Variants in CEP83 observed in about 807,000 individuals in gnomAD.
The protein encoded by CEP83 is centrosomal protein of 83 kDa.
CEP83 carries 70 observed loss-of-function variants against 101.9 expected under a neutral mutation model. That is an observed-to-expected ratio of 0.69 (90% CI 0.57 to 0.84). The LOEUF (loss-of-function observed/expected upper bound fraction) is 0.84. Among genes scored for constraint, CEP83 ranks in the 40% least tolerant of loss-of-function variants. The probability of loss-of-function intolerance (pLI) is 0.00; values close to 1 mark genes in which losing one functional copy is unlikely to be tolerated. For missense variants in CEP83, 715 were observed against 787.2 expected (o/e 0.91, Z 1.10); for synonymous variants, 264 against 267.9 (o/e 0.99, Z 0.14).
the CEP83 span, among the ~76,000 whole-genome samples, chr12:94,279,023 G>T: frequency 1.3e-5 from 2 of 151,546 alleles, no homozygotes; most frequent in Admixed American, 1.3e-4. Flanking sequence ...CTCTGGCATG[G>T]TCAATATGGG....
intron 14 of CEP83, among the ~76,000 whole-genome samples, chr12:94,321,911 T>C (rs1347144961): frequency 6.6e-5 from 10 of 152,122 alleles, no homozygotes; most frequent in East Asian, 3.9e-4. Context: ...CACTTTTCCA[T>C]AGGGCTGCTA....
At chr12:94,458,111 C>G (rs1024469641) in intron 1 of CEP83, among the ~76,000 whole-genome samples, 2 of 151,492 alleles carry the variant, frequency 1.3e-5, no homozygotes, top group Non-Finnish European at 2.9e-5. Flanking sequence ...AGGAGAGAAT[C>G]ACTTGAAACT....
intron 1 of CEP83, among the ~76,000 whole-genome samples, chr12:94,446,900 A>C (rs2066849699): frequency 6.6e-6 from 1 of 152,154 alleles, no homozygotes; most frequent in Non-Finnish European, 1.5e-5. Flanking sequence ...AATCCAAAGA[A>C]ACCTGCAAAT....
rs1390252491 is a variant in CEP83, at chr12:94,308,625, A to G, written c.*188T>C. The G allele has an allele frequency of 5.1e-6, 2 of 395,336 alleles. No individual in the cohort carries two copies. The highest frequency in any genetic ancestry group is 9.1e-6 in the Non-Finnish European group (2 of 220,050). The allele number at this position is 395,336 out of a possible 1,614,324, so 24.5% of individuals were successfully genotyped here. A position where few individuals can be genotyped will look rare whatever the true frequency, so the allele number is the denominator to read the frequency against. ...AATATCTCTGAGAATTTCTCTTTTA[A>G]TGCTTCACTTGTATAATCTTAAAAT... On this transcript the variant is annotated 3_prime_UTR_variant, in exon 17 of 17. Coordinates refer to ENST00000397809, the MANE Select transcript of CEP83 (RefSeq NM_016122.3).
the CEP83 span, chr12:94,297,256 G>T: frequency 6.2e-7 from 1 of 1,613,360 alleles, no homozygotes; most frequent in Non-Finnish European, 8.5e-7. Flanking sequence ...CCACTGAACT[G>T]CATGCCTTCT....
the CEP83 span, among the ~76,000 whole-genome samples, chr12:94,287,969 C>A: frequency 6.6e-6 from 1 of 152,210 alleles, no homozygotes; most frequent in South Asian, 2.1e-4. Flanking sequence ...TGGCCAGAGT[C>A]ACAGAGTTCC....
intron 6 of CEP83, among the ~76,000 whole-genome samples, chr12:94,396,760 T>C (rs967014054): frequency 2.6e-5 from 4 of 152,202 alleles, no homozygotes; most frequent in Non-Finnish European, 5.9e-5. Flanking sequence ...AATAATATTG[T>C]TACTTTCATC....
chr12:94,321,339 G>A (rs2058736318), intron 14 of CEP83, among the ~76,000 whole-genome samples: 1 of 152,128 alleles, frequency 6.6e-6, no homozygotes, highest in Non-Finnish European at 1.5e-5. Context: ...TTATCTTCAT[G>A]CCTATTCATA....
chr12:94,418,377 A>C (rs2064454924), intron 2 of CEP83, among the ~76,000 whole-genome samples: 1 of 152,162 alleles, frequency 6.6e-6, no homozygotes, highest in Non-Finnish European at 1.5e-5. Context: ...GAAAAGAAAA[A>C]AATACAATGA....
rs534072560 is a variant in CEP83, at chr12:94,308,997, A to G, written c.2002-80T>C. 4.1e-5 allele frequency: 36 copies of G among 876,068 alleles called. No individual in the cohort carries two copies. In the African/African-American group the frequency reaches 5.8e-4, roughly 14 times the overall value. 54.3% of individuals were successfully genotyped at this position (876,068 alleles called of 1,614,324 possible). ...GTAGCAACCTTGGACTGCCTCTTTT[A>G]TATATGCCTATAACATCTGGCAAGG... On this transcript the variant is annotated intron_variant, in intron 16 of 16. Transcript: ENST00000397809.
intron 14 of CEP83, among the ~76,000 whole-genome samples, chr12:94,316,997 C>G (rs540428292): frequency 6.6e-6 from 1 of 152,282 alleles, no homozygotes; most frequent in Admixed American, 6.5e-5. Context: ...GGAATTACCA[C>G]ACTGCTTTCC....
At position 94,434,971 on chromosome 12, in the gene CEP83, T is replaced by C. The variant is rs184385440; in HGVS notation, c.-102+304A>G. ...TGGGATTAGGGATCCTCAACCTGTA[T>C]AAAGCATTATACTAGTCCCTTCACT... is the stretch of plus-strand genomic sequence containing the variant. On this transcript the variant is annotated intron_variant, in intron 2 of 16. Coordinates refer to ENST00000397809, the MANE Select transcript of CEP83 (RefSeq NM_016122.3). 2.8e-3 allele frequency among the ~76,000 whole-genome samples: 434 copies of C among 152,338 alleles called. 10 individuals carry two copies. The South Asian group carries it at 0.054, about 19-fold the overall frequency.
In CEP83 at chr12:94,445,582, C is replaced by T. The variant is rs1042198945; in HGVS notation, c.-154-10255G>A. Among the ~76,000 whole-genome samples, 4 of 152,184 alleles carry T rather than the reference C, an allele frequency of 2.6e-5. No individual in the cohort carries two copies. In the East Asian group the frequency reaches 7.7e-4, roughly 29 times the overall value. ...CAGACTCAGGGGAAAAACTGCAAAT[C>T]ATAAATCTTATAAAGCACTTGCATC... On this transcript the variant is annotated intron_variant, in intron 1 of 16. Coordinates refer to ENST00000397809, the MANE Select transcript of CEP83 (RefSeq NM_016122.3).
chr12:94,388,153 A>G (rs906482549), intron 6 of CEP83, among the ~76,000 whole-genome samples: 1 of 152,246 alleles, frequency 6.6e-6, no homozygotes, highest in African/African-American at 2.4e-5. Flanking sequence ...CACTATTCAC[A>G]ATAGCAAAAA....
At chr12:94,329,239 CT>C (rs1194971038) in intron 14 of CEP83, among the ~76,000 whole-genome samples, 3 of 151,992 alleles carry the variant, frequency 2.0e-5, no homozygotes, top group Admixed American at 6.6e-5. Context: ...TGAAATGTTA[CT>C]TTGTAGTGTT....
intron 2 of CEP83, among the ~76,000 whole-genome samples, chr12:94,422,916 C>A (rs2064876797): frequency 6.6e-6 from 1 of 152,124 alleles, no homozygotes; most frequent in East Asian, 1.9e-4. Context: ...TATTCTTGTA[C>A]AAGACTTTCT....
In CEP83 at chr12:94,339,445, G is replaced by A. The variant is rs528492445; in HGVS notation, c.1344-3781C>T. Among the ~76,000 whole-genome samples, 25 of 152,244 alleles carry A rather than the reference G, an allele frequency of 1.6e-4. No individual in the cohort carries two copies. In the East Asian group the frequency reaches 4.4e-3, roughly 27 times the overall value. Reference sequence around the variant, plus strand: ...TAGTCACTAGCAACATGTTGCTAGTGCACACTTGAAATGTACTTCATGTGA... The same window carrying A: ...TAGTCACTAGCAACATGTTGCTAGTACACACTTGAAATGTACTTCATGTGA... On this transcript the variant is annotated intron_variant, in intron 11 of 16. Coordinates refer to ENST00000397809, the MANE Select transcript of CEP83 (RefSeq NM_016122.3).
At chr12:94,335,688 G>C (rs1222690266) in intron 11 of CEP83, 24 bp from the exon 12 acceptor site, 4 of 1,446,284 alleles carry the variant, frequency 2.8e-6, no homozygotes, top group Non-Finnish European at 9.5e-7. Flanking sequence ...CCCAACAAAA[G>C]GCATTATTAA....
intron 1 of CEP83, among the ~76,000 whole-genome samples, chr12:94,439,844 T>C (rs1315649323): frequency 6.6e-6 from 1 of 152,108 alleles, no homozygotes; most frequent in Non-Finnish European, 1.5e-5. Context: ...AAATACACCA[T>C]GAACAAGTGG....
Sources: gnomAD v4.1 joint callset for allele counts (sites outside exome capture counted in the v4.1 genomes callset) on GRCh38, gnomAD v4.1.1 for gene constraint, MANE v1.5 for transcripts, NCBI Gene and HGNC (gene_info 2026-07-23, HGNC 2026-07-21) for gene names.